ESCO1: variants seen among roughly 807,000 people sequenced by gnomAD.
ESCO1 encodes the protein N-acetyltransferase ESCO1.
A neutral mutation model predicts 83.5 loss-of-function variants in ESCO1; 33 were observed. That is an observed-to-expected ratio of 0.40 (90% confidence interval 0.30 to 0.53). The LOEUF (loss-of-function observed/expected upper bound fraction) is 0.53, where lower values mean the gene tolerates loss of function less well. Among genes scored for constraint, ESCO1 ranks in the 20% least tolerant of loss-of-function variants. ESCO1 has a pLI of 0.63. For synonymous variants in ESCO1, 332 were observed against 324.3 expected, an observed-to-expected ratio of 1.02 and a Z score of -0.25; for missense variants, 855 against 968.0, an observed-to-expected ratio of 0.88 and a Z score of 1.55.
chr18:21,569,833 G>A (rs2038315733), intron 4 of ESCO1, among the ~76,000 whole-genome samples: 1 of 152,140 alleles, frequency 6.6e-6, no homozygotes, highest in Non-Finnish European at 1.5e-5. Flanking sequence ...CCTGGCGACA[G>A]AGCAAGACTC....
chr18:21,562,126 T>C (rs1283284516), intron 7 of ESCO1, among the ~76,000 whole-genome samples: 2 of 152,006 alleles, frequency 1.3e-5, no homozygotes, highest in African/African-American at 4.8e-5. Context: ...GTGATCCACC[T>C]GCCTCGGCCT....
chr18:21,567,736 T>C (rs2038281719), intron 5 of ESCO1, among the ~76,000 whole-genome samples: 1 of 152,234 alleles, frequency 6.6e-6, no homozygotes, highest in Non-Finnish European at 1.5e-5. Context: ...AAATAAAAGT[T>C]GTTTAAAAAA....
intron 2 of ESCO1, among the ~76,000 whole-genome samples, chr18:21,577,334 G>A (rs1407543396): frequency 2.4e-4 from 30 of 124,268 alleles, no homozygotes; most frequent in African/African-American, 8.8e-4. Context: ...TCCACCCTGG[G>A]CAACAAGAGT....
chr18:21,583,036 C>CA (rs1400749640), intron 2 of ESCO1, among the ~76,000 whole-genome samples: 1 of 151,932 alleles, frequency 6.6e-6, no homozygotes, highest in Non-Finnish European at 1.5e-5. Flanking sequence ...TACAAATATA[C>CA]AAAAATTAGC....
chr18:21,563,016 A>G (rs2038209668), intron 7 of ESCO1, among the ~76,000 whole-genome samples: 1 of 150,836 alleles, frequency 6.6e-6, no homozygotes, highest in African/African-American at 2.4e-5. Context: ...GGATTATAGG[A>G]ACGAATCACC....
chr18:21,553,455 A>T (rs1409833320), intron 8 of ESCO1, among the ~76,000 whole-genome samples: 177 of 868 alleles, frequency 0.2, 2 homozygotes, highest in African/African-American at 0.26. Flanking sequence ...TTATTAAAAA[A>T]AAAAAAAAAA....
intron 7 of ESCO1, 55 bp from the exon 8 acceptor site, chr18:21,561,045 A>G: frequency 1.3e-6 from 2 of 1,538,602 alleles, no homozygotes; most frequent in Non-Finnish European, 1.7e-6. Flanking sequence ...TTATTTCAGA[A>G]TATCAGCCTC....
intron 9 of ESCO1, among the ~76,000 whole-genome samples, chr18:21,538,394 TC>T (rs2037863476): frequency 6.6e-6 from 1 of 151,890 alleles, no homozygotes; most frequent in Admixed American, 6.6e-5. Context: ...TAATCACTGA[TC>T]CAACATTAAT....
chr18:21,534,925 T>C (rs1300950699), intron 10 of ESCO1, among the ~76,000 whole-genome samples: 2 of 152,170 alleles, frequency 1.3e-5, no homozygotes, highest in East Asian at 1.9e-4. Context: ...TGCCTGGTGG[T>C]GTGGGCCTTT....
In ESCO1 at chr18:21,574,430, A is replaced by G. The variant is rs771158688; in HGVS notation, c.414T>C (p.Ser138=). Residue 138 remains serine (S), a synonymous_variant, in exon 4 of 12, where the codon AGT becomes AGC. Transcript: ENST00000269214. ...LTEVSRRSLR[S]REIQGQVQAV... ...CTTGAACTTGACCCTGAATTTCTCT[A>G]CTGCGTAACGACCTTCTTGAAACCT... 3 of 1,614,064 alleles carry G rather than the reference A, an allele frequency of 1.9e-6. No homozygotes were observed. The highest frequency in any genetic ancestry group is 1.7e-6 in the Non-Finnish European group (2 of 1,180,008).
In ESCO1 at chr18:21,574,973, T is replaced by C; in HGVS notation, c.-130A>G. 1 of 644,888 alleles carries C rather than the reference T, an allele frequency of 1.6e-6. No homozygotes were observed. Among genetic ancestry groups the C allele is most frequent in the Non-Finnish European group, 2.5e-6 (1 of 402,784 alleles). The allele number at this position is 644,888 out of a possible 1,614,324, so 39.9% of individuals were successfully genotyped here. A position where few individuals can be genotyped will look rare whatever the true frequency, so the allele number is the denominator to read the frequency against. The stretch of plus-strand genomic sequence containing the variant: ...AAAAATCAACTTTAACTGATGCTGA[T>C]ATACATTTTCAACAAAAATACTAGT... On this transcript the variant is annotated 5_prime_UTR_variant, in exon 4 of 12. The change creates a new upstream start codon in the 5' untranslated region. Coordinates refer to ENST00000269214, the MANE Select transcript of ESCO1 (RefSeq NM_052911.3).
At chr18:21,536,550 C>T (rs763093478) in intron 9 of ESCO1, among the ~76,000 whole-genome samples, 14 of 149,554 alleles carry the variant, frequency 9.4e-5, no homozygotes, top group African/African-American at 3.0e-4. Flanking sequence ...GAGATTGCGC[C>T]GTTGCACTCC....
intron 8 of ESCO1, among the ~76,000 whole-genome samples, chr18:21,557,675 A>G (rs2038129845): frequency 6.6e-6 from 1 of 152,228 alleles, no homozygotes; most frequent in Non-Finnish European, 1.5e-5. Flanking sequence ...ATACAGGAAA[A>G]AAGGATTGAG....
chr18:21,564,699 A>G (rs1370084272), intron 6 of ESCO1, among the ~76,000 whole-genome samples: 1 of 151,912 alleles, frequency 6.6e-6, no homozygotes, highest in Non-Finnish European at 1.5e-5. Flanking sequence ...CCCGGCAAAA[A>G]TAACTTATTT....
At chr18:21,586,547 A>G (rs892696831) in intron 1 of ESCO1, among the ~76,000 whole-genome samples, 3 of 152,164 alleles carry the variant, frequency 2.0e-5, no homozygotes, top group African/African-American at 7.2e-5. Context: ...TCCTTTTTGG[A>G]TGATTCATCA....
Position 21,530,503 on chromosome 18 carries a change from A to C in ESCO1, c.2376-13T>G. On this transcript the variant is annotated splice_polypyrimidine_tract_variant and intron_variant, in intron 11 of 11. Transcript: ENST00000269214. The stretch of plus-strand genomic sequence containing the variant: ...TATAAAGTTACTCCTATTAAAAAAA[A>C]ATGGGGGGGGGGAAGGGTTAAGTGT... 1 of 1,264,806 alleles carries C rather than the reference A, an allele frequency of 7.9e-7. No individual in the cohort carries two copies. The highest frequency in any genetic ancestry group is 2.8e-5 in the East Asian group (1 of 36,320). The allele number at this position is 1,264,806 out of a possible 1,614,324, so 78.3% of individuals were successfully genotyped here. A position where few individuals can be genotyped will look rare whatever the true frequency, so the allele number is the denominator to read the frequency against.
At chr18:21,597,542 G>A (rs2038784063) in intron 1 of ESCO1, among the ~76,000 whole-genome samples, 1 of 150,866 alleles carries the variant, frequency 6.6e-6, no homozygotes, top group African/African-American at 2.4e-5. Flanking sequence ...TTTATATTAA[G>A]CTGTAGTTTA....
At chr18:21,596,529 T>C (rs2038769751) in intron 1 of ESCO1, among the ~76,000 whole-genome samples, 1 of 151,982 alleles carries the variant, frequency 6.6e-6, no homozygotes, top group African/African-American at 2.4e-5. Context: ...GAAAATGTTT[T>C]TATGAAAAGA....
chr18:21,595,582 T>A (rs140692645), intron 1 of ESCO1, among the ~76,000 whole-genome samples: 3,450 of 151,032 alleles, frequency 0.023, 143 homozygotes, highest in African/African-American at 0.08. Context: ...GGCATGAGAA[T>A]GGCTGAACCC....
Sources: allele counts gnomAD v4.1 joint callset (sites outside exome capture counted in the v4.1 genomes callset), GRCh38; gene constraint gnomAD v4.1.1; transcripts MANE v1.5; gene names NCBI Gene and HGNC (gene_info 2026-07-23, HGNC 2026-07-21).